TMEM43: variants seen among roughly 807,000 people sequenced by gnomAD.
TMEM43 encodes the protein arrhythmogenic right ventricular dysplasia 5.
Under a neutral mutation model 49.6 loss-of-function variants are expected in TMEM43, and 45 were observed. That is an observed-to-expected ratio of 0.91 (90% confidence interval 0.71 to 1.16). The LOEUF (loss-of-function observed/expected upper bound fraction) is 1.16, where lower values mean the gene tolerates loss of function less well. Ranked by LOEUF, TMEM43 falls within the 50% of genes most tolerant of loss-of-function variation. The pLI is 0.00. For synonymous variants in TMEM43, 199 were observed against 207.8 expected (o/e 0.96, Z 0.36); for missense variants, 532 against 516.6 (o/e 1.03, Z -0.29).
At chr3:14,135,987 C>A in intron 10 of TMEM43, 79 bp downstream of exon 10, 1 of 1,225,514 alleles carries the variant, frequency 8.2e-7, no homozygotes, top group Non-Finnish European at 1.2e-6. Flanking sequence ...AATAAGATCA[C>A]ACTACCAGGG....
chr3:14,132,740 T>C, intron 5 of TMEM43, 126 bp from the exon 6 acceptor site: 3 of 1,364,174 alleles, frequency 2.2e-6, no homozygotes, highest in Non-Finnish European at 3.1e-6. Flanking sequence ...AGCCCTGCTT[T>C]CCCACCCATC....
At position 14,133,752 on chromosome 3, in the gene TMEM43, G is replaced by C. The variant is rs1473308381; in HGVS notation, c.526G>C (p.Glu176Gln). The change falls in exon 7 of 12, where the codon GAG becomes CAG. Residue 176 changes from glutamate to glutamine, a missense_variant. Physicochemically the swap from Glu to Gln is conservative, Grantham distance 29 (BLOSUM62 2). Transcript: ENST00000306077. ...TCTCTCCCACAGTGCCATGGCAGTGGAGTCATTCATGGCAACAGCCCCCTT... is the reference window on the plus strand; with the variant it reads ...TCTCTCCCACAGTGCCATGGCAGTGCAGTCATTCATGGCAACAGCCCCCTT... Reference protein sequence around the residue: ...GHKNPSAMAVESFMATAPFVQ... With the variant: ...GHKNPSAMAVQSFMATAPFVQ... The C allele has an allele frequency of 1.2e-6, 2 of 1,614,060 alleles. No individual in the cohort carries two copies. Among genetic ancestry groups the C allele is most frequent in the African/African-American group, 2.7e-5 (2 of 74,944 alleles).
intron 10 of TMEM43, chr3:14,138,089 G>A (rs1471084601): frequency 6.6e-6 from 1 of 152,234 alleles, no homozygotes; most frequent in Non-Finnish European, 1.5e-5. Flanking sequence ...TACGGACTCT[G>A]AGAGAGGGCC....
chr3:14,130,158 C>A (rs1695074603), intron 2 of TMEM43, among the ~76,000 whole-genome samples: 2 of 151,664 alleles, frequency 1.3e-5, no homozygotes, highest in South Asian at 4.2e-4. Context: ...CATGATGCAA[C>A]AGTATATTTC....
chr3:14,138,365 G>A (rs1695199076), intron 10 of TMEM43, among the ~76,000 whole-genome samples: 1 of 152,184 alleles, frequency 6.6e-6, no homozygotes, highest in Non-Finnish European at 1.5e-5. Flanking sequence ...CAGAGTGGGT[G>A]ATAGAAGCAG....
intron 11 of TMEM43, among the ~76,000 whole-genome samples, chr3:14,140,770 T>C (rs1055848432): frequency 6.6e-6 from 1 of 152,186 alleles, no homozygotes; most frequent in African/African-American, 2.4e-5. Flanking sequence ...TTCAGAAACA[T>C]GAACTTTGCT....
At chr3:14,127,609 G>A (rs1695037031) in intron 1 of TMEM43, among the ~76,000 whole-genome samples, 1 of 152,184 alleles carries the variant, frequency 6.6e-6, no homozygotes, top group African/African-American at 2.4e-5. Flanking sequence ...GTGAAATGGG[G>A]TCGTTATGAC....
intron 11 of TMEM43, 48 bp from the exon 12 acceptor site, chr3:14,141,545 G>A (rs1695245682): frequency 1.3e-6 from 2 of 1,539,150 alleles, no homozygotes; most frequent in South Asian, 1.1e-5. Context: ...TGCTGAGCTG[G>A]TGAGGTGTAG....
intron 10 of TMEM43, among the ~76,000 whole-genome samples, chr3:14,136,200 G>A (rs180698432): frequency 1.1e-4 from 17 of 152,326 alleles, no homozygotes; most frequent in Admixed American, 2.6e-4. Flanking sequence ...TGTACACATC[G>A]CCTGAAGGTG....
rs569732023 is a variant in TMEM43 at position 14,129,619 on chromosome 3, A to G, written c.162+58A>G. 47 of 1,597,258 alleles carry G rather than the reference A, an allele frequency of 2.9e-5. No homozygotes were observed. In the Admixed American group the frequency reaches 5.2e-4, roughly 18 times the overall value. On this transcript the variant is annotated intron_variant, in intron 2 of 11. Transcript: ENST00000306077. ...AGAGTCCCCACCATGTCAGAGAGCA[A>G]AGGCGATGAACCCGGAGGCTGGATT...
At chr3:14,129,181 CT>C in intron 1 of TMEM43, 1 of 438,754 alleles carries the variant, frequency 2.3e-6, no homozygotes, top group Non-Finnish European at 4.1e-6. Context: ...CACAAAGAAA[CT>C]TTTTGGGGTG....
At position 14,130,952 on chromosome 3, in the gene TMEM43, C is replaced by G; in HGVS notation, c.293C>G (p.Ser98Cys). Residue 98 changes from serine (S) to cysteine (C), a missense_variant, in exon 3 of 12, where the codon TCC becomes TGC. Ser to Cys is a moderately radical substitution (Grantham distance 112). Transcript: ENST00000306077. ...LVHIIGALRT[S>C]KLLSDPNYGV... ...CACATCATTGGCGCCTTACGGACAT[C>G]CAAGGTAGGTTTGGCAGGGGATGCT... 1 of 1,609,654 alleles carries G rather than the reference C, an allele frequency of 6.2e-7. No homozygotes were observed. The highest frequency in any genetic ancestry group is 8.5e-7 in the Non-Finnish European group (1 of 1,176,696).
chr3:14,141,522 G>T, intron 11 of TMEM43, 71 bp from the exon 12 acceptor site: 1 of 1,432,516 alleles, frequency 7.0e-7, no homozygotes, highest in Non-Finnish European at 9.8e-7. Flanking sequence ...CTCATCTAGG[G>T]ACAGGAGAGA....
Position 14,134,775 on chromosome 3 carries a change from A to G in TMEM43, c.589A>G (p.Ile197Val). Residue 197 changes from isoleucine (I) to valine (V), a missense_variant, in exon 8 of 12, where the codon ATC becomes GTC. Ile to Val is a conservative substitution (Grantham distance 29). Coordinates refer to ENST00000306077, the MANE Select transcript of TMEM43 (RefSeq NM_024334.3). Reference sequence around the variant, plus strand: ...AACCACTCTGGTCCCCTCAGGCCTCATCGACAAAGTCGACAACTTCAAGTC... The same window carrying G: ...AACCACTCTGGTCCCCTCAGGCCTCGTCGACAAAGTCGACAACTTCAAGTC... ...IGRFFLSSGL[I>V]DKVDNFKSLS... 6.2e-7 allele frequency: 1 copy of G among 1,614,118 alleles called. No individual in the cohort carries two copies. Among genetic ancestry groups the G allele is most frequent in the Non-Finnish European group, 8.5e-7 (1 of 1,179,978 alleles).
intron 7 of TMEM43, 76 bp from the exon 8 acceptor site, chr3:14,134,694 G>T: frequency 1.9e-6 from 3 of 1,602,634 alleles, no homozygotes; most frequent in Non-Finnish European, 2.6e-6. Flanking sequence ...GCAGTGGAAG[G>T]GGGTCAGGCC....
chr3:14,129,461 C>T lies in TMEM43; in HGVS notation c.62C>T (p.Ser21Phe), dbSNP rs794729183. The T allele has an allele frequency of 3.1e-6, 5 of 1,613,922 alleles. No homozygotes were observed. Among genetic ancestry groups the T allele is most frequent in the Non-Finnish European group, 4.2e-6 (5 of 1,180,012 alleles). Residue 21 changes from serine to phenylalanine, a missense_variant, in exon 2 of 12, where the codon TCC becomes TTC. Transcript: ENST00000306077. ...RREHVKVKTSSQPGFLERLSE... is the reference protein window; with the variant it reads ...RREHVKVKTSFQPGFLERLSE... Reference sequence around the variant, plus strand: ...GAACATGTCAAAGTTAAAACCAGCTCCCAGCCAGGCTTCCTGGAACGGCTG... The same window carrying T: ...GAACATGTCAAAGTTAAAACCAGCTTCCAGCCAGGCTTCCTGGAACGGCTG...
intron 2 of TMEM43, among the ~76,000 whole-genome samples, chr3:14,130,574 G>T (rs898968731): frequency 1.3e-5 from 2 of 152,188 alleles, no homozygotes; most frequent in Non-Finnish European, 1.5e-5. Context: ...CACCACTGGG[G>T]CAGTGCTAAG....
rs568657650 is a variant in TMEM43, at chr3:14,134,797, A to G, written c.611A>G (p.Lys204Arg). 1 of 1,614,182 alleles carries G rather than the reference A, an allele frequency of 6.2e-7. No homozygotes were observed. The highest frequency in any genetic ancestry group is 1.7e-5 in the Admixed American group (1 of 60,032). ...CTCATCGACAAAGTCGACAACTTCA[A>G]GTCCCTGAGCCTATCCAAGCTGGAG... Reference protein sequence around the residue: ...SGLIDKVDNFKSLSLSKLEDP... With the variant: ...SGLIDKVDNFRSLSLSKLEDP... The change falls in exon 8 of 12, where the codon AAG becomes AGG. Residue 204 changes from lysine to arginine, a missense_variant. Transcript: ENST00000306077.
chr3:14,139,110 G>A (rs1695214879), intron 10 of TMEM43, 70 bp from the exon 11 acceptor site: 4 of 1,158,446 alleles, frequency 3.5e-6, no homozygotes, highest in African/African-American at 1.5e-5. Flanking sequence ...AGCCCCCTCA[G>A]GACCTGCCCT....
Sources: gnomAD v4.1 joint callset for allele counts (sites outside exome capture counted in the v4.1 genomes callset) on GRCh38, gnomAD v4.1.1 for gene constraint, MANE v1.5 for transcripts, NCBI Gene and HGNC (gene_info 2026-07-23, HGNC 2026-07-21) for gene names.